DORIP1: variants seen among roughly 807,000 people sequenced by gnomAD.
DORIP1 encodes dopamine receptor interacting protein 1, also known as dopamine receptor-interacting protein 1.
At chr14:44,902,517 A>C in the DORIP1 span, among the ~76,000 whole-genome samples, 4 of 151,696 alleles carry the variant, frequency 2.6e-5, no homozygotes, top group African/African-American at 9.7e-5. Flanking sequence ...TTTTTTAGAG[A>C]TAGGATCTTG....
At chr14:44,898,713 C>G in the DORIP1 span, among the ~76,000 whole-genome samples, 1 of 152,128 alleles carries the variant, frequency 6.6e-6, no homozygotes, top group East Asian at 1.9e-4. Flanking sequence ...AAGTGGATGA[C>G]TAGAATCAAT....
the DORIP1 span, among the ~76,000 whole-genome samples, chr14:44,898,280 G>C: frequency 3.3e-5 from 5 of 151,160 alleles, no homozygotes; most frequent in Non-Finnish European, 7.4e-5. Flanking sequence ...AATTCATGAT[G>C]AAACTAGTAT....
At chr14:44,905,453 A>G in the DORIP1 span, 1 of 1,576,684 alleles carries the variant, frequency 6.3e-7, no homozygotes, top group African/African-American at 1.3e-5. Context: ...TGGATGCACT[A>G]TGATGGGCTC....
At chr14:44,897,922 CT>C in the DORIP1 span, among the ~76,000 whole-genome samples, 6 of 152,180 alleles carry the variant, frequency 3.9e-5, no homozygotes, top group African/African-American at 1.2e-4. Context: ...TGAGAGGGGA[CT>C]TTTAGAATCC....
chr14:44,903,917 G>A, the DORIP1 span: 88 of 978,548 alleles, frequency 9.0e-5, no homozygotes, highest in Non-Finnish European at 1.0e-4. Context: ...TGAGCATTCC[G>A]GTTAATCAAG....
the DORIP1 span, among the ~76,000 whole-genome samples, chr14:44,899,966 G>A: frequency 2.6e-5 from 4 of 151,686 alleles, no homozygotes; most frequent in Admixed American, 2.6e-4. Flanking sequence ...CGAGTAGCTG[G>A]GATTACAGGC....
At chr14:44,906,024 G>C in the DORIP1 span, 1 of 148,828 alleles carries the variant, frequency 6.7e-6, no homozygotes, top group East Asian at 1.9e-4. Context: ...ATTTGATCTA[G>C]TATGGATTTG....
the DORIP1 span, chr14:44,904,616 T>G: frequency 5.5e-6 from 7 of 1,282,624 alleles, no homozygotes; most frequent in African/African-American, 7.6e-5. Flanking sequence ...CCTTAAGAGA[T>G]ATTGTTGAAA....
chr14:44,899,682 T>C, the DORIP1 span, among the ~76,000 whole-genome samples: 1,543 of 152,174 alleles, frequency 0.01, 31 homozygotes, highest in African/African-American at 0.035. Flanking sequence ...GATCCCATTA[T>C]ATTAGTTTCT....
At chr14:44,898,620 A>G in the DORIP1 span, among the ~76,000 whole-genome samples, 1 of 152,212 alleles carries the variant, frequency 6.6e-6, no homozygotes, top group Non-Finnish European at 1.5e-5. Context: ...AAATCTTTGT[A>G]AACAAAACGA....
At chr14:44,903,382 G>A in the DORIP1 span, 1 of 1,508,030 alleles carries the variant, frequency 6.6e-7, no homozygotes, top group East Asian at 2.3e-5. Context: ...AGTACTTTAT[G>A]AATCTTATTA....
the DORIP1 span, chr14:44,898,887 T>TA: frequency 1.3e-5 from 2 of 152,334 alleles, no homozygotes; most frequent in South Asian, 2.1e-4. Context: ...GTTTTGGACT[T>TA]AGTTTCTTAC....
At chr14:44,903,327 G>C in the DORIP1 span, 171 of 1,577,104 alleles carry the variant, frequency 1.1e-4, 4 homozygotes, top group South Asian at 1.9e-3. Context: ...TAAAATGACA[G>C]TATGTATGTG....
chr14:44,903,340 T>C, the DORIP1 span: 8 of 1,564,582 alleles, frequency 5.1e-6, no homozygotes, highest in Admixed American at 1.4e-4. Context: ...TGTATGTGTT[T>C]ATAAGGAAAC....
At chr14:44,899,416 A>G in the DORIP1 span, 1 of 152,228 alleles carries the variant, frequency 6.6e-6, no homozygotes, top group Admixed American at 6.5e-5. Flanking sequence ...TCTAAATTGC[A>G]CAATAGCACA....
At chr14:44,903,328 T>C in the DORIP1 span, 1 of 1,578,128 alleles carries the variant, frequency 6.3e-7, no homozygotes, top group Non-Finnish European at 8.7e-7. Context: ...AAAATGACAG[T>C]ATGTATGTGT....
chr14:44,900,152 G>T, the DORIP1 span, among the ~76,000 whole-genome samples: 4 of 151,864 alleles, frequency 2.6e-5, no homozygotes, highest in Admixed American at 6.6e-5. Flanking sequence ...TTATTACAGG[G>T]TTTCCCTCTG....
At chr14:44,899,683 A>G in the DORIP1 span, among the ~76,000 whole-genome samples, 5 of 152,104 alleles carry the variant, frequency 3.3e-5, no homozygotes, top group African/African-American at 1.2e-4. Context: ...ATCCCATTAT[A>G]TTAGTTTCTT....
the DORIP1 span, chr14:44,906,272 A>G: frequency 3.9e-5 from 6 of 152,120 alleles, no homozygotes; most frequent in South Asian, 1.2e-3. Context: ...TTAAATGTTT[A>G]TCTTATAATT....
Sources: allele counts gnomAD v4.1 joint callset (sites outside exome capture counted in the v4.1 genomes callset), GRCh38; gene constraint gnomAD v4.1.1; transcripts MANE v1.5; gene names NCBI Gene and HGNC (gene_info 2026-07-23, HGNC 2026-07-21).